The following BDP1 variants were observed in gnomAD, a reference collection of about 807,000 sequenced individuals.
BDP1 encodes the protein transcription factor TFIIIB component B'' homolog.
BDP1 carries 169 observed loss-of-function variants against 266.6 expected under a neutral mutation model. The observed-to-expected ratio is 0.63, with a 90% CI of 0.56 to 0.72. The LOEUF is 0.72. Ranked by LOEUF, BDP1 falls within the 30% of genes least tolerant of loss-of-function variation. BDP1 has a pLI of 0.00. For missense variants in BDP1, 3,015 were observed against 3,053.8 expected (o/e 0.99, Z 0.30); for synonymous variants, 1,090 against 1,022.4 (o/e 1.07, Z -1.26).
downstream of BDP1, among the ~76,000 whole-genome samples, chr5:71,571,163 G>A (rs1046274699): frequency 3.3e-5 from 5 of 152,008 alleles, no homozygotes; most frequent in Non-Finnish European, 7.4e-5. Flanking sequence ...ATTACTTTTT[G>A]AGACAAAGTC....
chr5:71,456,169 T>C, intron 1 of BDP1, 80 bp downstream of exon 1: 1 of 1,357,754 alleles, frequency 7.4e-7, no homozygotes, highest in South Asian at 1.3e-5. Flanking sequence ...AAATGAATTT[T>C]ATCACAGGAG....
chr5:71,533,084 A>G (rs1264749501), intron 26 of BDP1, among the ~76,000 whole-genome samples: 1 of 152,144 alleles, frequency 6.6e-6, no homozygotes, highest in Non-Finnish European at 1.5e-5. Context: ...TTTACTGTTC[A>G]TCTATGTTGC....
chr5:71,468,947 G>T (rs1219495424), intron 6 of BDP1, among the ~76,000 whole-genome samples: 2 of 152,098 alleles, frequency 1.3e-5, no homozygotes, highest in Admixed American at 6.5e-5. Flanking sequence ...TTCTACCTCA[G>T]ATAATATTGT....
Position 71,489,643 on chromosome 5 carries a change from A to G in BDP1, c.1453A>G (p.Thr485Ala), listed in dbSNP as rs777639701. The change falls in exon 10 of 39, where the codon ACT becomes GCT. Residue 485 changes from threonine (T) to alanine (A), a missense_variant. This residue lies in a region of BDP1 where 2,383 missense variants were observed against 2,404.9 expected (regional missense o/e 0.99). Transcript: ENST00000358731. ...LGVNNLLENA[T>A]VQAGPSKGEK... ...AGTAAACAATCTTTTAGAAAATGCC[A>G]CTGTTCAGGCGGGTCCTTCTAAAGG... 1.9e-6 allele frequency: 3 copies of G among 1,613,868 alleles called. No homozygotes were observed. The highest frequency in any genetic ancestry group is 1.3e-5 in the African/African-American group (1 of 74,924).
rs754923828 is a variant in BDP1, at chr5:71,458,674, G to A, written c.308G>A (p.Ser103Asn). The A allele has an allele frequency of 1.2e-6, 2 of 1,613,890 alleles. No individual in the cohort carries two copies. Among genetic ancestry groups the A allele is most frequent in the African/African-American group, 1.3e-5 (1 of 74,912 alleles). ...QRRKRISSTS[S>N]LVKSSVSVPS... ...AGAAAGCGAATATCAAGTACTTCTA[G>A]CCTGGTTAAGTCTAGTGTCAGTGTT... The change falls in exon 2 of 39, where the codon AGC becomes AAC. Residue 103 changes from serine to asparagine, a missense_variant. Around this residue, in one of 3 missense-constraint regions of BDP1, gnomAD observed 2,383 missense variants for 2,404.9 expected, o/e 0.99. Transcript: ENST00000358731.
chr5:71,508,789 G>A (rs1764730501), intron 16 of BDP1, among the ~76,000 whole-genome samples: 1 of 152,154 alleles, frequency 6.6e-6, no homozygotes, highest in South Asian at 2.1e-4. Flanking sequence ...AAAACAAAAA[G>A]TGCTGCTGCT....
chr5:71,521,982 G>C lies in BDP1; in HGVS notation c.4992-307G>C, dbSNP rs184441934. Among the ~76,000 whole-genome samples the C allele has an allele frequency of 1.2e-4, 18 of 151,122 alleles. No individual in the cohort carries two copies. The East Asian group carries it at 3.5e-3, about 29-fold the overall frequency. On this transcript the variant is annotated intron_variant, in intron 22 of 38. Transcript: ENST00000358731. ...TGCCTTTTTTTTTTTGGTATCCTGT[G>C]ATTTCTCTGAAAATTAAAGTAGCAT...
chr5:71,479,266 C>G (rs1422301226), intron 7 of BDP1, among the ~76,000 whole-genome samples: 2 of 151,846 alleles, frequency 1.3e-5, no homozygotes, highest in Admixed American at 1.3e-4. Context: ...TGGTCTTGAT[C>G]TCCTGACCTA....
chr5:71,513,778 G>A (rs1765074524), intron 19 of BDP1, among the ~76,000 whole-genome samples: 1 of 151,890 alleles, frequency 6.6e-6, no homozygotes, highest in South Asian at 2.1e-4. Flanking sequence ...GGAGTGCAGT[G>A]GCGCGATCTC....
In BDP1 at chr5:71,560,212, T is replaced by C; in HGVS notation, c.7471T>C (p.Ser2491Pro). Residue 2491 changes from serine to proline, a missense_variant, in exon 37 of 39, where the codon TCG (serine) becomes CCG (proline). By Grantham distance (74) the Ser-to-Pro change is moderately conservative. Transcript: ENST00000358731. Reference sequence around the variant, plus strand: ...GTCTCAGCAAATGGATAGCAGAACATCGTCTTCTAAAGCCTCACTATCCAG... The same window carrying C: ...GTCTCAGCAAATGGATAGCAGAACACCGTCTTCTAAAGCCTCACTATCCAG... ...PKSQQMDSRT[S>P]SSKASLSRPG... The C allele has an allele frequency of 6.2e-7, 1 of 1,614,128 alleles. No individual in the cohort carries two copies. Among genetic ancestry groups the C allele is most frequent in the Non-Finnish European group, 8.5e-7 (1 of 1,180,008 alleles).
chr5:71,553,639 A>G (rs468776), intron 35 of BDP1, among the ~76,000 whole-genome samples: 67,522 of 151,914 alleles, frequency 0.44, 15,390 homozygotes, highest in South Asian at 0.55. Context: ...ACCTTAGGCA[A>G]GATACTTCAC....
chr5:71,572,784 A>G (rs1250558947), downstream of BDP1, among the ~76,000 whole-genome samples: 2 of 152,174 alleles, frequency 1.3e-5, no homozygotes, highest in African/African-American at 4.8e-5. Flanking sequence ...GCCTCATGAA[A>G]AAAGGTCTTA....
rs548926665 is a variant in BDP1, at chr5:71,515,275, T to C, written c.4649+153T>C. Among the ~76,000 whole-genome samples, 269 of 152,310 alleles carry C rather than the reference T, an allele frequency of 1.8e-3. 2 individuals are homozygous for C. Among genetic ancestry groups the C allele is most frequent in the African/African-American group, 6.3e-3 (263 of 41,576 alleles). On this transcript the variant is annotated intron_variant, in intron 20 of 38. Coordinates refer to ENST00000358731, the MANE Select transcript of BDP1 (RefSeq NM_018429.3). Reference sequence around the variant, plus strand: ...ATACAGCAGACTGCCTAAAATATAATATCAGATTGAATTCAACACCTTCTA... The same window carrying C: ...ATACAGCAGACTGCCTAAAATATAACATCAGATTGAATTCAACACCTTCTA...
Position 71,514,927 on chromosome 5 carries a change from T to G in BDP1, c.4471-17T>G, listed in dbSNP as rs1302456277. 1 of 1,567,468 alleles carries G rather than the reference T, an allele frequency of 6.4e-7. No homozygotes were observed. The highest frequency in any genetic ancestry group is 8.6e-7 in the Non-Finnish European group (1 of 1,161,266). ...ACTTTTAGCAACTGTGAATGAAATT[T>G]TTTTTCTGTCTTCTAGGATGAAGCT... is the stretch of plus-strand genomic sequence containing the variant. On this transcript the variant is annotated splice_polypyrimidine_tract_variant and intron_variant, in intron 19 of 38. Transcript: ENST00000358731.
chr5:71,461,306 C>A (rs1046779270), intron 2 of BDP1, among the ~76,000 whole-genome samples: 3 of 152,012 alleles, frequency 2.0e-5, no homozygotes, highest in Non-Finnish European at 4.4e-5. Flanking sequence ...TAGTCCTAGT[C>A]ACTTTAATTG....
chr5:71,549,280 GGTT>G, intron 33 of BDP1, 137 bp from the exon 34 acceptor site: 1 of 708,846 alleles, frequency 1.4e-6, no homozygotes, highest in Non-Finnish European at 2.3e-6. Context: ...CAGGCTGGGG[GGTT>G]GTTGGGGGGA....
intron 8 of BDP1, among the ~76,000 whole-genome samples, chr5:71,484,473 A>G (rs1353257301): frequency 6.6e-6 from 1 of 152,088 alleles, no homozygotes; most frequent in East Asian, 1.9e-4. Flanking sequence ...GTGGATGTTT[A>G]GGTCTCTTTT....
rs755431407 is a variant in BDP1 at position 71,542,235 on chromosome 5, A to G, written c.6382A>G (p.Thr2128Ala). The stretch of plus-strand genomic sequence containing the variant: ...TCAGGAAGTTTCCAGTTTGTGTGTA[A>G]CCAAAGGGGCAGAAATGGAAACTCA... ...DYQEVSSLCV[T>A]KGAEMETQRE... is the part of the protein sequence containing the mutation. The change falls in exon 30 of 39, where the codon ACC (threonine) becomes GCC (alanine). Residue 2128 changes from threonine (T) to alanine (A), a missense_variant. By Grantham distance (58) the Thr-to-Ala change is moderately conservative. Transcript: ENST00000358731. The G allele has an allele frequency of 6.2e-7, 1 of 1,612,322 alleles. No homozygotes were observed. The highest frequency in any genetic ancestry group is 1.1e-5 in the South Asian group (1 of 90,364).
intron 7 of BDP1, among the ~76,000 whole-genome samples, chr5:71,476,939 G>A (rs940213750): frequency 1.3e-5 from 2 of 152,042 alleles, no homozygotes; most frequent in African/African-American, 2.4e-5. Context: ...TCTTGACCTC[G>A]TGATCTGCCC....
Sources: allele counts gnomAD v4.1 joint callset (sites outside exome capture counted in the v4.1 genomes callset), GRCh38; gene constraint gnomAD v4.1.1; regional missense constraint gnomAD v4.1.1; transcripts MANE v1.5; gene names NCBI Gene and HGNC (gene_info 2026-07-23, HGNC 2026-07-21).